Variants in CASQ2 observed in about 807,000 individuals in gnomAD.
The protein encoded by CASQ2 is calsequestrin 2, also known as calsequestrin-2.
A neutral mutation model predicts 46.5 loss-of-function variants in CASQ2; 49 were observed. The observed-to-expected ratio is 1.05, with a 90% confidence interval of 0.84 to 1.34. The LOEUF is 1.34. CASQ2 is among the 40% of genes most tolerant of loss of function. CASQ2 has a pLI of 0.00. For synonymous variants in CASQ2, 174 were observed against 168.5 expected, an observed-to-expected ratio of 1.03 and a Z score of -0.25; for missense variants, 486 against 481.3, an observed-to-expected ratio of 1.01 and a Z score of -0.09.
chr1:115,745,273 C>T (rs977264786), intron 1 of CASQ2, among the ~76,000 whole-genome samples: 2 of 152,182 alleles, frequency 1.3e-5, no homozygotes, highest in African/African-American at 2.4e-5. Context: ...GAGCCCTTCT[C>T]TAGCTGCCAA....
At chr1:115,731,834 C>A (rs962473817) in intron 5 of CASQ2, among the ~76,000 whole-genome samples, 4 of 152,218 alleles carry the variant, frequency 2.6e-5, no homozygotes, top group African/African-American at 9.7e-5. Context: ...TCCATGTTAA[C>A]TTCTTAGCAC....
chr1:115,719,392 C>T (rs1270920127), intron 7 of CASQ2, among the ~76,000 whole-genome samples: 1 of 152,220 alleles, frequency 6.6e-6, no homozygotes, highest in Admixed American at 6.5e-5. Context: ...CTCCTGCCAT[C>T]AGATGGGAGT....
intron 8 of CASQ2, among the ~76,000 whole-genome samples, chr1:115,715,869 A>G (rs1417722507): frequency 6.6e-6 from 1 of 152,136 alleles, no homozygotes; most frequent in East Asian, 1.9e-4. Context: ...CCAGACAAAT[A>G]TTTATTGGGC....
At chr1:115,742,206 T>C (rs1252310221) in intron 2 of CASQ2, among the ~76,000 whole-genome samples, 1 of 151,198 alleles carries the variant, frequency 6.6e-6, no homozygotes, top group Admixed American at 6.6e-5. Flanking sequence ...ATATGAAAAA[T>C]TATATATTTT....
chr1:115,757,527 G>A (rs17034494), intron 1 of CASQ2, among the ~76,000 whole-genome samples: 3 of 152,166 alleles, frequency 2.0e-5, no homozygotes, highest in East Asian at 3.9e-4. Context: ...GCGTTTCCAC[G>A]CAGCTCCATC....
intron 1 of CASQ2, among the ~76,000 whole-genome samples, chr1:115,766,689 C>A (rs1649141587): frequency 6.6e-6 from 1 of 152,116 alleles, no homozygotes; most frequent in African/African-American, 2.4e-5. Context: ...GCCTGAGGGG[C>A]ATCAAATTAA....
At chr1:115,743,996 G>A (rs71519715) in intron 2 of CASQ2, among the ~76,000 whole-genome samples, 24,575 of 145,904 alleles carry the variant, frequency 0.17, 2,502 homozygotes, top group African/African-American at 0.29. Context: ...AAAAAAAAAT[G>A]AACTGAGCGT....
At chr1:115,707,180 C>A (rs1654393485) in intron 8 of CASQ2, among the ~76,000 whole-genome samples, 1 of 152,076 alleles carries the variant, frequency 6.6e-6, no homozygotes, top group South Asian at 2.1e-4. Context: ...CTATGCCCAG[C>A]TAGTCTTTTA....
At chr1:115,756,416 G>A (rs1415800740) in intron 1 of CASQ2, among the ~76,000 whole-genome samples, 1 of 152,156 alleles carries the variant, frequency 6.6e-6, no homozygotes, top group African/African-American at 2.4e-5. Context: ...TTTCTAGGAG[G>A]AACAAGTCAT....
At chr1:115,744,084 C>T (rs1343628989) in intron 2 of CASQ2, among the ~76,000 whole-genome samples, 1 of 148,582 alleles carries the variant, frequency 6.7e-6, no homozygotes, top group Non-Finnish European at 1.5e-5. Flanking sequence ...GCAGAGGTTG[C>T]AGTGAGCTGA....
At chr1:115,716,634 C>A (rs190784600) in intron 8 of CASQ2, among the ~76,000 whole-genome samples, 1 of 152,138 alleles carries the variant, frequency 6.6e-6, no homozygotes, top group East Asian at 1.9e-4. Flanking sequence ...GTTTGGGCAG[C>A]AAAGCAGAAT....
intron 1 of CASQ2, among the ~76,000 whole-genome samples, chr1:115,763,215 G>A (rs946190066): frequency 6.6e-5 from 10 of 152,108 alleles, no homozygotes; most frequent in African/African-American, 2.4e-4. Context: ...GGATTAGAAG[G>A]AAACTGGAAG....
intron 1 of CASQ2, among the ~76,000 whole-genome samples, chr1:115,746,160 T>C (rs1648382048): frequency 3.0e-5 from 2 of 67,418 alleles, no homozygotes; most frequent in African/African-American, 5.8e-5. Flanking sequence ...ATCGATACGC[T>C]GTTTTTTTTT....
chr1:115,743,172 G>T (rs1648252978), intron 2 of CASQ2, among the ~76,000 whole-genome samples: 1 of 152,012 alleles, frequency 6.6e-6, no homozygotes, highest in African/African-American at 2.4e-5. Flanking sequence ...CAGGGAAAGA[G>T]ACATCCCAAG....
rs1372487923 is a variant in CASQ2 at position 115,701,158 on chromosome 1, A to G, written c.*83T>C. On this transcript the variant is annotated 3_prime_UTR_variant, in exon 11 of 11. Coordinates refer to ENST00000261448, the MANE Select transcript of CASQ2 (RefSeq NM_001232.4). Reference sequence around the variant, plus strand: ...GAAAGGAGCTGGCTGGGTGTGGGGCAGAATTGCTTGCTGCCACCTTGTGCT... The same window carrying G: ...GAAAGGAGCTGGCTGGGTGTGGGGCGGAATTGCTTGCTGCCACCTTGTGCT... 2.5e-6 allele frequency: 4 copies of G among 1,610,160 alleles called. No individual in the cohort carries two copies. The East Asian group carries it at 8.9e-5, about 36-fold the overall frequency.
intron 8 of CASQ2, among the ~76,000 whole-genome samples, chr1:115,711,454 T>C (rs924363884): frequency 6.6e-6 from 1 of 152,184 alleles, no homozygotes; most frequent in African/African-American, 2.4e-5. Flanking sequence ...TTCTCAGGCA[T>C]GTTGATATAA....
chr1:115,732,727 T>C (rs539426158), intron 5 of CASQ2, among the ~76,000 whole-genome samples, 174 bp downstream of exon 5: 2 of 152,356 alleles, frequency 1.3e-5, no homozygotes, highest in East Asian at 3.9e-4. Context: ...TAGTCATCTT[T>C]GTACTCATCT....
chr1:115,746,980 A>G (rs534514942), intron 1 of CASQ2, among the ~76,000 whole-genome samples: 10 of 152,334 alleles, frequency 6.6e-5, no homozygotes, highest in African/African-American at 1.9e-4. Context: ...CAGAACAAAA[A>G]TTGTCAATTT....
intron 1 of CASQ2, among the ~76,000 whole-genome samples, chr1:115,754,020 G>A (rs923811278): frequency 1.3e-5 from 2 of 152,102 alleles, no homozygotes; most frequent in Admixed American, 1.3e-4. Flanking sequence ...AGAGCCAAAC[G>A]GCTGTTTGTA....
Sources: allele counts gnomAD v4.1 joint callset (sites outside exome capture counted in the v4.1 genomes callset), GRCh38; gene constraint gnomAD v4.1.1; transcripts MANE v1.5; gene names NCBI Gene and HGNC (gene_info 2026-07-23, HGNC 2026-07-21).